Variants in UBQLN1 observed in about 807,000 individuals in gnomAD.
The protein encoded by UBQLN1 is ubiquilin 1.
Under a neutral mutation model 65.4 loss-of-function variants are expected in UBQLN1, and 13 were observed. The observed-to-expected ratio is 0.20, with a 90% CI of 0.13 to 0.32. The LOEUF is 0.32. UBQLN1 is among the 10% of genes least tolerant of loss of function. The pLI is 1.00. For missense variants in UBQLN1, 561 were observed against 724.0 expected (o/e 0.77, Z 2.58); for synonymous variants, 267 against 247.8 (o/e 1.08, Z -0.73).
intron 6 of UBQLN1, among the ~76,000 whole-genome samples, chr9:83,675,043 T>C (rs1564163123): frequency 6.6e-6 from 1 of 152,338 alleles, no homozygotes; most frequent in East Asian, 1.9e-4. Context: ...GGAAAACATT[T>C]GGATCTATCA....
chr9:83,707,407 C>T, intron 1 of UBQLN1, 93 bp downstream of exon 1: 1 of 1,344,010 alleles, frequency 7.4e-7, no homozygotes, highest in Non-Finnish European at 9.9e-7. Flanking sequence ...CGAGGACGAC[C>T]CCTCTCCCAG....
chr9:83,670,294 T>C (rs1831709083), intron 6 of UBQLN1, among the ~76,000 whole-genome samples: 1 of 152,314 alleles, frequency 6.6e-6, no homozygotes, highest in East Asian at 1.9e-4. Context: ...GACATCTGAC[T>C]CTTCTCACTT....
intron 7 of UBQLN1, chr9:83,668,874 T>C (rs1298936853): frequency 1.2e-5 from 3 of 243,984 alleles, no homozygotes; most frequent in Non-Finnish European, 2.2e-5. Flanking sequence ...TTTCATTAAG[T>C]AGTTTATCTT....
At chr9:83,706,780 C>A (rs1169790025) in intron 1 of UBQLN1, among the ~76,000 whole-genome samples, 5 of 152,130 alleles carry the variant, frequency 3.3e-5, no homozygotes, top group Non-Finnish European at 1.5e-5. Flanking sequence ...GCTATCGCCC[C>A]TCTAAAATCA....
intron 1 of UBQLN1, among the ~76,000 whole-genome samples, chr9:83,687,719 T>C (rs1340050144): frequency 1.3e-5 from 2 of 152,316 alleles, no homozygotes; most frequent in Middle Eastern, 6.8e-3. Context: ...TTCCTAACAC[T>C]CTACATTTGT....
At chr9:83,685,372 G>T (rs917433043) in intron 2 of UBQLN1, among the ~76,000 whole-genome samples, 1 of 152,196 alleles carries the variant, frequency 6.6e-6, no homozygotes, top group Middle Eastern at 3.2e-3. Flanking sequence ...ATGCAAGAGT[G>T]ATATGATAAA....
At chr9:83,685,583 C>A (rs1024265077) in intron 2 of UBQLN1, among the ~76,000 whole-genome samples, 22 of 149,674 alleles carry the variant, frequency 1.5e-4, no homozygotes, top group Non-Finnish European at 3.1e-4. Flanking sequence ...CACTTGAGCC[C>A]AGCCTGGGCA....
rs79600395 is a variant in UBQLN1 at position 83,681,077 on chromosome 9, C to A, written c.449-1040G>T. On this transcript the variant is annotated intron_variant, in intron 3 of 10. Transcript: ENST00000376395. ...TGCTTCTAATAATCTTTCCAAAAGACTAGTTTAAGTTTTATTAACAGGAAG... is the reference window on the plus strand; with the variant it reads ...TGCTTCTAATAATCTTTCCAAAAGAATAGTTTAAGTTTTATTAACAGGAAG... Among the ~76,000 whole-genome samples, 233 of 152,304 alleles carry A rather than the reference C, an allele frequency of 1.5e-3. 1 individual carries two copies. The highest frequency in any genetic ancestry group is 2.7e-3 in the Non-Finnish European group (183 of 68,038).
intron 6 of UBQLN1, among the ~76,000 whole-genome samples, chr9:83,672,530 C>T (rs1352663711): frequency 3.3e-5 from 5 of 152,158 alleles, no homozygotes; most frequent in Non-Finnish European, 7.3e-5. Context: ...GGAAGAGAGA[C>T]AAGTGGAACA....
At chr9:83,705,389 A>G (rs958933780) in intron 1 of UBQLN1, among the ~76,000 whole-genome samples, 4 of 152,174 alleles carry the variant, frequency 2.6e-5, no homozygotes, top group Admixed American at 2.6e-4. Flanking sequence ...AGCTGGGATT[A>G]CAGGTGCCTG....
intron 1 of UBQLN1, among the ~76,000 whole-genome samples, chr9:83,702,931 G>C (rs188912707): frequency 4.6e-5 from 7 of 152,250 alleles, no homozygotes; most frequent in Admixed American, 3.9e-4. Flanking sequence ...TCTAAAACCA[G>C]AGTATATACT....
At chr9:83,695,356 A>T (rs1218265211) in intron 1 of UBQLN1, among the ~76,000 whole-genome samples, 1 of 151,892 alleles carries the variant, frequency 6.6e-6, no homozygotes, top group African/African-American at 2.4e-5. Context: ...TCCCCACCAC[A>T]CTGGCTAATT....
intron 1 of UBQLN1, among the ~76,000 whole-genome samples, chr9:83,701,255 ATAAC>A (rs1392842165): frequency 2.0e-5 from 3 of 152,150 alleles, no homozygotes; most frequent in African/African-American, 7.2e-5. Context: ...CTTATGAAAA[ATAAC>A]TATTTTCTCA....
intron 6 of UBQLN1, among the ~76,000 whole-genome samples, chr9:83,670,502 G>C (rs1831711903): frequency 6.6e-6 from 1 of 151,886 alleles, no homozygotes; most frequent in Non-Finnish European, 1.5e-5. Context: ...AAAGTTGTTT[G>C]CATGATACTG....
intron 6 of UBQLN1, among the ~76,000 whole-genome samples, chr9:83,674,383 A>C (rs2131153463): frequency 6.6e-6 from 1 of 152,288 alleles, no homozygotes; most frequent in East Asian, 1.9e-4. Context: ...ACTCATCACA[A>C]TACTCCCCAC....
chr9:83,698,420 G>T (rs1463006051), intron 1 of UBQLN1, among the ~76,000 whole-genome samples: 1 of 152,138 alleles, frequency 6.6e-6, no homozygotes, highest in African/African-American at 2.4e-5. Context: ...ATATTTCAAA[G>T]ACTTAGTATT....
Position 83,677,768 on chromosome 9 carries a change from C to T in UBQLN1, c.1064G>A (p.Gly355Glu). ...CAAATTTGGCGCAGTAGTACTCTGC[C>T]CAGAAGTGCCACTGGCAGTACTACC... ...TTGSTASGTS[G>E]QSTTAPNLVP... Residue 355 changes from glycine (G) to glutamate (E), a missense_variant, in exon 6 of 11, where the codon GGG becomes GAG. By Grantham distance (98) the Gly-to-Glu change is moderately conservative. Around this residue, in one of 8 missense-constraint regions of UBQLN1, gnomAD observed 89 missense variants for 77.8 expected, o/e 1.14. Transcript: ENST00000376395. The T allele has an allele frequency of 2.5e-6, 4 of 1,614,120 alleles. 1 individual carries two copies. In the South Asian group the frequency reaches 4.4e-5, roughly 18 times the overall value.
chr9:83,672,411 A>G (rs1186572971), intron 6 of UBQLN1, among the ~76,000 whole-genome samples: 1 of 152,214 alleles, frequency 6.6e-6, no homozygotes, highest in Non-Finnish European at 1.5e-5. Context: ...ATATAAAGTA[A>G]GAGATGCAGG....
intron 6 of UBQLN1, among the ~76,000 whole-genome samples, chr9:83,677,049 AG>A: frequency 6.6e-6 from 1 of 152,190 alleles, no homozygotes; most frequent in African/African-American, 2.4e-5. Context: ...ACAAAGTCTG[AG>A]GGTAAGATCT....
Sources: gnomAD v4.1 joint callset for allele counts (sites outside exome capture counted in the v4.1 genomes callset) on GRCh38, gnomAD v4.1.1 for gene constraint, gnomAD v4.1.1 regional missense constraint, MANE v1.5 for transcripts, NCBI Gene and HGNC (gene_info 2026-07-23, HGNC 2026-07-21) for gene names.